ERICH1: variants seen among roughly 807,000 people sequenced by gnomAD.
ERICH1 encodes the protein glutamate rich 1.
A neutral mutation model predicts 39.6 loss-of-function variants in ERICH1; 56 were observed. The observed-to-expected ratio is 1.41, with a 90% CI of 1.14 to 1.77. The LOEUF (loss-of-function observed/expected upper bound fraction) is 1.77, where lower values mean the gene tolerates loss of function less well. Ranked by LOEUF, ERICH1 falls within the 40% of genes most tolerant of loss-of-function variation. The pLI, the probability that ERICH1 is intolerant of heterozygous loss-of-function variation, is 0.00. For missense variants in ERICH1, 826 were observed against 575.4 expected, an observed-to-expected ratio of 1.44 and a Z score of -4.45; for synonymous variants, 313 against 223.6, an observed-to-expected ratio of 1.40 and a Z score of -3.57.
chr8:625,025 C>G (rs1241307329), intron 3 of ERICH1, among the ~76,000 whole-genome samples: 1 of 152,176 alleles, frequency 6.6e-6, no homozygotes, highest in African/African-American at 2.4e-5. Flanking sequence ...TGCACCCGGC[C>G]TACACACTTT....
intron 3 of ERICH1, among the ~76,000 whole-genome samples, chr8:625,115 C>T (rs1296544017): frequency 6.6e-6 from 1 of 152,214 alleles, no homozygotes; most frequent in Non-Finnish European, 1.5e-5. Flanking sequence ...ATCACTCCCA[C>T]CAGCTCCCTC....
intron 3 of ERICH1, among the ~76,000 whole-genome samples, chr8:634,474 C>T (rs1421617166): frequency 6.6e-6 from 1 of 152,230 alleles, no homozygotes; most frequent in African/African-American, 2.4e-5. Context: ...TGGGCGTACA[C>T]CCAAAACACT....
intron 4 of ERICH1, among the ~76,000 whole-genome samples, chr8:670,400 G>C (rs575645082): frequency 6.6e-6 from 1 of 152,060 alleles, no homozygotes; most frequent in African/African-American, 2.4e-5. Flanking sequence ...GTTGCTGAAC[G>C]CATAGGAAAG....
rs528615806 is a variant in ERICH1 at position 650,223 on chromosome 8, A to G, written c.976+18375T>C. Among the ~76,000 whole-genome samples, 61 of 152,266 alleles carry G rather than the reference A, an allele frequency of 4.0e-4. No individual in the cohort carries two copies. In the South Asian group the frequency reaches 9.1e-3, roughly 23 times the overall value. ...AGCTGCGTCCCGTTCCGTGCTGGCGATGAGGACGCCGGCCTCCGCCAGGCC... is the reference window on the plus strand; with the variant it reads ...AGCTGCGTCCCGTTCCGTGCTGGCGGTGAGGACGCCGGCCTCCGCCAGGCC... On this transcript the variant is annotated intron_variant, in intron 3 of 3. Transcript: ENST00000522706.
At chr8:617,781 C>G (rs1334278338) in intron 3 of ERICH1, among the ~76,000 whole-genome samples, 1 of 148,704 alleles carries the variant, frequency 6.7e-6, no homozygotes, top group Non-Finnish European at 1.5e-5. Context: ...GATTGGTGCT[C>G]AGTCCATCCT....
intron 2 of ERICH1, among the ~76,000 whole-genome samples, chr8:697,548 C>G (rs1332606100): frequency 6.6e-6 from 1 of 152,182 alleles, no homozygotes; most frequent in Non-Finnish European, 1.5e-5. Flanking sequence ...CTCCTGCCTC[C>G]CTGTCAAATC....
At chr8:686,710 T>C (rs1807474441) in intron 3 of ERICH1, 1 of 152,266 alleles carries the variant, frequency 6.6e-6, no homozygotes, top group African/African-American at 2.4e-5. Flanking sequence ...CAGGCTCTCA[T>C]CCCACTTGTG....
chr8:692,627 G>T lies in ERICH1; in HGVS notation c.170-15C>A. 6.4e-7 allele frequency: 1 copy of T among 1,559,794 alleles called. No homozygotes were observed. Among genetic ancestry groups the T allele is most frequent in the South Asian group, 1.2e-5 (1 of 85,356 alleles). ...AGAGCCAGTGTCTGCAACACAGGAG[G>T]AAAATAACAGGAACTGGTAAATATC... On this transcript the variant is annotated splice_polypyrimidine_tract_variant and intron_variant, in intron 2 of 5. Coordinates refer to ENST00000262109, the MANE Select transcript of ERICH1 (RefSeq NM_207332.3).
At chr8:662,278 G>T (rs143539539), downstream of ERICH1, among the ~76,000 whole-genome samples, 121 of 152,372 alleles carry the variant, frequency 7.9e-4, no homozygotes, top group Non-Finnish European at 1.4e-3. Context: ...ACACAAATGG[G>T]ACGTTAAGAA....
intron 2 of ERICH1, among the ~76,000 whole-genome samples, chr8:715,150 T>C (rs1422630838): frequency 3.9e-5 from 6 of 152,040 alleles, no homozygotes; most frequent in South Asian, 2.1e-4. Flanking sequence ...TGGGATGTGC[T>C]GCACCCAGGT....
intron 2 of ERICH1, among the ~76,000 whole-genome samples, chr8:703,706 G>A (rs1812668259): frequency 6.6e-6 from 1 of 152,184 alleles, no homozygotes; most frequent in African/African-American, 2.4e-5. Context: ...CAGCCGGAAG[G>A]GTGGAAGATG....
chr8:621,302 G>A (rs1770430659), intron 3 of ERICH1, among the ~76,000 whole-genome samples: 1 of 151,970 alleles, frequency 6.6e-6, no homozygotes, highest in African/African-American at 2.4e-5. Flanking sequence ...AGCTATACAT[G>A]CTTATATTAA....
chr8:699,538 G>A (rs187871937), intron 2 of ERICH1, among the ~76,000 whole-genome samples: 115 of 152,294 alleles, frequency 7.6e-4, no homozygotes, highest in African/African-American at 2.5e-3. Flanking sequence ...TCAGGGTGAC[G>A]GCGACTCACA....
intron 3 of ERICH1, among the ~76,000 whole-genome samples, chr8:636,240 G>T (rs1291405758): frequency 2.0e-5 from 3 of 152,222 alleles, no homozygotes; most frequent in Admixed American, 6.5e-5. Context: ...AGCCGAGCTG[G>T]GCGTTCACAG....
chr8:678,000 C>A (rs757007511), intron 3 of ERICH1, among the ~76,000 whole-genome samples: 2 of 152,054 alleles, frequency 1.3e-5, no homozygotes, highest in Non-Finnish European at 2.9e-5. Flanking sequence ...CTGTTGAGAT[C>A]GACTGCGCTA....
chr8:727,794 C>T (rs1460073857), intron 1 of ERICH1, among the ~76,000 whole-genome samples: 3 of 152,120 alleles, frequency 2.0e-5, no homozygotes, highest in Admixed American at 6.5e-5. Flanking sequence ...TTGACGCGAG[C>T]GGCTGGCACC....
intron 2 of ERICH1, among the ~76,000 whole-genome samples, chr8:697,896 G>A (rs1810719591): frequency 6.6e-6 from 1 of 152,222 alleles, no homozygotes; most frequent in Admixed American, 6.5e-5. Context: ...GAGACGAGGA[G>A]TGTAGGGACC....
rs371443391 is a variant in ERICH1, at chr8:673,290, G to A, written c.1062C>T (p.Asp354=). ...AGAGAAAAACAGTAAAAAACATACC[G>A]TCATAAAAATACATTTCCTGTGTTG... is the stretch of plus-strand genomic sequence containing the variant. ...LKSTQEMYFY[D]GVSRDAASAA... The change falls in exon 4 of 6, where the codon GAC becomes GAT. Residue 354 remains aspartate (D), a splice_region_variant and synonymous_variant. Coordinates refer to ENST00000262109, the MANE Select transcript of ERICH1 (RefSeq NM_207332.3). 63 of 1,598,174 alleles carry A rather than the reference G, an allele frequency of 3.9e-5. No individual in the cohort carries two copies. The highest frequency in any genetic ancestry group is 1.7e-4 in the Middle Eastern group (1 of 6,022).
At position 668,762 on chromosome 8, in the gene ERICH1, A is replaced by C; in HGVS notation, c.1094T>G (p.Leu365Arg). 6.2e-7 allele frequency: 1 copy of C among 1,611,950 alleles called. No homozygotes were observed. The highest frequency in any genetic ancestry group is 1.7e-4 in the Middle Eastern group (1 of 6,008). Residue 365 changes from leucine to arginine, a missense_variant, in exon 5 of 6, where the codon CTC (leucine) becomes CGC (arginine). Physicochemically the swap from Leu to Arg is moderately radical, Grantham distance 102 (BLOSUM62 -2). Transcript: ENST00000262109. ...CAGCAGCTCCTCAGCGGCATCTGCG[A>C]GGGCAGCTGAAGCTGCATCTCTGGA... ...GVSRDAASAA[L>R]ADAAEELLDR...
Sources: gnomAD v4.1 joint callset for allele counts (sites outside exome capture counted in the v4.1 genomes callset) on GRCh38, gnomAD v4.1.1 for gene constraint, MANE v1.5 for transcripts, NCBI Gene and HGNC (gene_info 2026-07-23, HGNC 2026-07-21) for gene names.